Variants in WIPF1 observed in about 807,000 individuals in gnomAD.
The protein encoded by WIPF1 is WAS/WASL interacting protein family member 1, also known as WAS/WASL-interacting protein family member 1.
In WIPF1, 13 loss-of-function variants were observed where a neutral mutation model predicts 35.4. That is an observed-to-expected ratio of 0.37 (90% confidence interval 0.24 to 0.58). WIPF1 has a LOEUF of 0.58. Among genes scored for constraint, WIPF1 ranks in the 20% least tolerant of loss-of-function variants. The probability of loss-of-function intolerance (pLI) is 0.74; values close to 1 mark genes in which losing one functional copy is unlikely to be tolerated. For synonymous variants in WIPF1, 267 were observed against 266.3 expected, an observed-to-expected ratio of 1.00 and a Z score of -0.02; for missense variants, 591 against 667.0, an observed-to-expected ratio of 0.89 and a Z score of 1.25.
Position 174,572,285 on chromosome 2 carries a change from GCCTTGGGGGCGGCATTCGGTT to G in WIPF1, c.499_519del (p.Asn167_Arg173del). 6.2e-7 allele frequency: 1 copy of G among 1,614,156 alleles called. No individual in the cohort carries two copies. The highest frequency in any genetic ancestry group is 8.5e-7 in the Non-Finnish European group (1 of 1,180,026). On this transcript the variant is annotated inframe_deletion, in exon 5 of 8. Transcript: ENST00000679041. ...CTATCAGGCTTTGAGCCCACGTCGG[GCCTTGGGGGCGGCATTCGGTT>G]CCTCTGAGGCTCTGGGGGACCACTT...
At chr2:174,579,939 G>A (rs908881619) in intron 3 of WIPF1, among the ~76,000 whole-genome samples, 4 of 151,838 alleles carry the variant, frequency 2.6e-5, no homozygotes, top group African/African-American at 9.7e-5. Context: ...TGTGTCAAGA[G>A]TTAAATACCT....
At chr2:174,609,284 A>C (rs1157366837) in intron 1 of WIPF1, among the ~76,000 whole-genome samples, 2 of 152,204 alleles carry the variant, frequency 1.3e-5, no homozygotes, top group Non-Finnish European at 2.9e-5. Flanking sequence ...ACTCCAATTT[A>C]TACATAAACT....
At chr2:174,667,066 G>A (rs1456886376) in intron 1 of WIPF1, among the ~76,000 whole-genome samples, 1 of 152,210 alleles carries the variant, frequency 6.6e-6, no homozygotes, top group Non-Finnish European at 1.5e-5. Context: ...AGTTGGTTTT[G>A]TTTTAGCTTC....
chr2:174,572,424 T>G lies in WIPF1; in HGVS notation c.381A>C (p.Pro127=). ...TGGATCTTCCTCCCGGTGGCAACAA[T>G]GGTGGTCGGCTTCCTCCAGAATCTG... ...RDNDSGGSRP[P]LLPPGGRSTS... The change falls in exon 5 of 8, where the codon CCA becomes CCC. Residue 127 remains proline (P), a synonymous_variant. Coordinates refer to ENST00000679041, the MANE Select transcript of WIPF1 (RefSeq NM_001375834.1). The G allele has an allele frequency of 1.9e-6, 3 of 1,614,012 alleles. No homozygotes were observed. Among genetic ancestry groups the G allele is most frequent in the Non-Finnish European group, 2.5e-6 (3 of 1,179,990 alleles).
chr2:174,635,995 T>C (rs1687174720), intron 1 of WIPF1, among the ~76,000 whole-genome samples: 1 of 152,194 alleles, frequency 6.6e-6, no homozygotes, highest in South Asian at 2.1e-4. Flanking sequence ...GGTTTTCTGA[T>C]TGAAATGACA....
intron 1 of WIPF1, chr2:174,630,614 C>T (rs1320206098): frequency 6.6e-6 from 1 of 152,090 alleles, no homozygotes; most frequent in Non-Finnish European, 1.5e-5. Flanking sequence ...TTAAACAGCA[C>T]CAACCTTCTG....
chr2:174,654,594 C>T (rs1213972368), intron 1 of WIPF1, among the ~76,000 whole-genome samples: 1 of 152,012 alleles, frequency 6.6e-6, no homozygotes, highest in African/African-American at 2.4e-5. Context: ...TTTCTCTTTG[C>T]CTTTTCTACT....
intron 1 of WIPF1, among the ~76,000 whole-genome samples, chr2:174,595,112 ATATATATATAT>A (rs1559155615): frequency 2.0e-5 from 1 of 49,234 alleles, no homozygotes; most frequent in Non-Finnish European, 3.6e-5. Flanking sequence ...AAAAAAAAAT[ATATATATATAT>A]ATATATATAT....
chr2:174,579,897 G>A (rs1199814027), intron 3 of WIPF1, among the ~76,000 whole-genome samples: 1 of 152,094 alleles, frequency 6.6e-6, no homozygotes, highest in Non-Finnish European at 1.5e-5. Context: ...AACCACATTC[G>A]TTTTGTGGGC....
intron 1 of WIPF1, among the ~76,000 whole-genome samples, chr2:174,616,337 C>T (rs1046898544): frequency 6.6e-6 from 1 of 152,142 alleles, no homozygotes; most frequent in Non-Finnish European, 1.5e-5. Context: ...GAAAGAGAAT[C>T]ATGTGTCTAT....
chr2:174,607,845 T>G (rs1686220256), intron 1 of WIPF1, among the ~76,000 whole-genome samples: 1 of 152,246 alleles, frequency 6.6e-6, no homozygotes, highest in South Asian at 2.1e-4. Flanking sequence ...GAACAGTATC[T>G]GGCATAATGC....
rs761102481 is a variant in WIPF1 at position 174,647,960 on chromosome 2, C to T, written c.-39+34814G>A. Among the ~76,000 whole-genome samples, 164 of 152,238 alleles carry T rather than the reference C, an allele frequency of 1.1e-3. 3 individuals carry two copies. The highest frequency in any genetic ancestry group is 1.9e-3 in the East Asian group (10 of 5,190). ...TTTGAAAGAGACTCCAGGCAGAATC[C>T]GGACCATGTGGGGTCTCAAGATTTA... On this transcript the variant is annotated intron_variant, in intron 1 of 8. Transcript: ENST00000272746.
At chr2:174,602,107 T>C (rs1241144857), upstream of WIPF1, among the ~76,000 whole-genome samples, 1 of 152,232 alleles carries the variant, frequency 6.6e-6, no homozygotes, top group African/African-American at 2.4e-5. Flanking sequence ...TTTAAATGCG[T>C]ATCTCTTTCC....
chr2:174,611,388 C>CA (rs1559160781), intron 1 of WIPF1, among the ~76,000 whole-genome samples: 1 of 151,098 alleles, frequency 6.6e-6, no homozygotes, highest in African/African-American at 2.5e-5. Context: ...AACAAACAAA[C>CA]AAAAAAACTT....
chr2:174,591,199 C>T (rs753881011), intron 1 of WIPF1, among the ~76,000 whole-genome samples: 1 of 152,198 alleles, frequency 6.6e-6, no homozygotes, highest in Non-Finnish European at 1.5e-5. Flanking sequence ...CACACCAAAC[C>T]TGCCCACATC....
intron 1 of WIPF1, among the ~76,000 whole-genome samples, chr2:174,670,054 A>G (rs1687976012): frequency 6.6e-6 from 1 of 152,054 alleles, no homozygotes; most frequent in African/African-American, 2.4e-5. Context: ...GCCTCCTCTA[A>G]TCTCTGTTTC....
chr2:174,588,682 A>C (rs532629267), intron 1 of WIPF1, among the ~76,000 whole-genome samples: 16 of 152,338 alleles, frequency 1.1e-4, no homozygotes, highest in African/African-American at 3.6e-4. Flanking sequence ...GGCTGGGGCC[A>C]GAGCCAAGGC....
chr2:174,675,434 A>G (rs553096417), intron 1 of WIPF1, among the ~76,000 whole-genome samples: 1 of 151,700 alleles, frequency 6.6e-6, no homozygotes, highest in South Asian at 2.1e-4. Context: ...ATAGCTTACT[A>G]TAACCTTAAA....
intron 1 of WIPF1, among the ~76,000 whole-genome samples, chr2:174,596,587 T>G: frequency 6.6e-6 from 1 of 152,202 alleles, no homozygotes; most frequent in East Asian, 1.9e-4. Flanking sequence ...CTACTACATA[T>G]ACTAGTTATG....
Sources: allele counts gnomAD v4.1 joint callset (sites outside exome capture counted in the v4.1 genomes callset), GRCh38; gene constraint gnomAD v4.1.1; transcripts MANE v1.5; gene names NCBI Gene and HGNC (gene_info 2026-07-23, HGNC 2026-07-21).